Variants in RRM2 observed in about 807,000 individuals in gnomAD.
The protein encoded by RRM2 is ribonucleotide reductase regulatory subunit M2.
Under a neutral mutation model 45.9 loss-of-function variants are expected in RRM2, and 6 were observed. The ratio of observed to expected loss-of-function variants is 0.13; its 90% CI spans 0.07 to 0.26. The LOEUF (loss-of-function observed/expected upper bound fraction) is 0.26. Ranked by LOEUF, RRM2 falls within the 10% of genes least tolerant of loss-of-function variation. RRM2 has a pLI of 1.00. For synonymous variants in RRM2, 177 were observed against 173.0 expected, an observed-to-expected ratio of 1.02 and a Z score of -0.18; for missense variants, 343 against 489.5, an observed-to-expected ratio of 0.70 and a Z score of 2.82.
At chr2:10,206,061 A>G (rs1202415403) in intron 3 of RRM2, among the ~76,000 whole-genome samples, 2 of 152,034 alleles carry the variant, frequency 1.3e-5, no homozygotes, top group Non-Finnish European at 2.9e-5. Flanking sequence ...CCTGGCTAAC[A>G]TGGTGAAACC....
chr2:10,159,810 C>T (rs1342464882), intron 3 of RRM2, among the ~76,000 whole-genome samples: 1 of 152,192 alleles, frequency 6.6e-6, no homozygotes, highest in African/African-American at 2.4e-5. Flanking sequence ...TTCAGAAACG[C>T]TGGCTTGAAG....
At chr2:10,160,621 G>A (rs2125318502) in intron 3 of RRM2, among the ~76,000 whole-genome samples, 1 of 151,868 alleles carries the variant, frequency 6.6e-6, no homozygotes, top group South Asian at 2.1e-4. Flanking sequence ...TAGAGGTTTG[G>A]GTCCCCTCTC....
intron 3 of RRM2, among the ~76,000 whole-genome samples, chr2:10,142,747 A>G (rs917079898): frequency 6.6e-6 from 1 of 152,032 alleles, no homozygotes; most frequent in Admixed American, 6.5e-5. Flanking sequence ...AGCACCTCAG[A>G]CGATGTGGCT....
At chr2:10,187,977 T>C (rs1664203928) in intron 3 of RRM2, among the ~76,000 whole-genome samples, 2 of 152,198 alleles carry the variant, frequency 1.3e-5, no homozygotes, top group Non-Finnish European at 2.9e-5. Context: ...CTAGACTGAC[T>C]GAATCAGAAA....
upstream of RRM2, among the ~76,000 whole-genome samples, chr2:10,139,448 A>C (rs1332116123): frequency 1.3e-5 from 2 of 152,190 alleles, no homozygotes; most frequent in East Asian, 3.8e-4. Flanking sequence ...ACTTGGCATT[A>C]AAAAGAGACT....
At chr2:10,198,516 C>T (rs1039140360) in intron 3 of RRM2, 1 of 152,108 alleles carries the variant, frequency 6.6e-6, no homozygotes, top group Admixed American at 6.5e-5. Context: ...AATCCTCCAG[C>T]TTCAGCTTTC....
chr2:10,203,442 G>A (rs1236025359), intron 3 of RRM2, among the ~76,000 whole-genome samples: 1 of 152,110 alleles, frequency 6.6e-6, no homozygotes, highest in Non-Finnish European at 1.5e-5. Context: ...TTCTTGGGGG[G>A]TAAATGAATT....
chr2:10,151,085 T>C (rs1382306245), intron 3 of RRM2, among the ~76,000 whole-genome samples: 1 of 152,182 alleles, frequency 6.6e-6, no homozygotes, highest in East Asian at 1.9e-4. Flanking sequence ...ATTGCTGGAA[T>C]TACAGGCATG....
intron 3 of RRM2, 73 bp downstream of exon 3, chr2:10,123,603 C>T (rs13384284): frequency 6.4e-7 from 1 of 1,555,746 alleles, no homozygotes; most frequent in Non-Finnish European, 8.7e-7. Flanking sequence ...CTTGGAGGTT[C>T]CCGTTGGCAA....
At chr2:10,145,229 C>T (rs1282089431) in intron 3 of RRM2, among the ~76,000 whole-genome samples, 1 of 152,050 alleles carries the variant, frequency 6.6e-6, no homozygotes, top group Non-Finnish European at 1.5e-5. Context: ...GGGGCCAGGT[C>T]TGGAGGGGTT....
intron 3 of RRM2, among the ~76,000 whole-genome samples, chr2:10,154,259 A>G (rs1219741115): frequency 1.3e-5 from 2 of 152,172 alleles, no homozygotes; most frequent in African/African-American, 4.8e-5. Flanking sequence ...AGATCGCTTG[A>G]GGTCAGGGGT....
In RRM2 at chr2:10,130,621, T is replaced by TG; in HGVS notation, c.*1236dup. On this transcript the variant is annotated 3_prime_UTR_variant, in exon 10 of 10. Transcript: ENST00000304567. ...TTCCATTCAAATATTAATTTCAGAA[T>TG]GAAACATAATTTTTTTTTTTTTTTT... 6.7e-6 allele frequency: 1 copy of TG among 149,426 alleles called. No individual in the cohort carries two copies. Among genetic ancestry groups the TG allele is most frequent in the Non-Finnish European group, 1.5e-5 (1 of 67,742 alleles). 9.3% of individuals were successfully genotyped at this position (149,426 alleles called of 1,614,324 possible). A position where few individuals can be genotyped will look rare whatever the true frequency, so the allele number is the denominator to read the frequency against.
intron 3 of RRM2, among the ~76,000 whole-genome samples, chr2:10,189,010 C>T (rs1664227328): frequency 1.3e-5 from 2 of 152,210 alleles, no homozygotes; most frequent in African/African-American, 2.4e-5. Flanking sequence ...GCCTCCCACA[C>T]ATCAATCACT....
chr2:10,209,334 C>G (rs777936787), intron 3 of RRM2, among the ~76,000 whole-genome samples: 12 of 151,854 alleles, frequency 7.9e-5, no homozygotes, highest in Non-Finnish European at 1.0e-4. Context: ...CTGGGATTAC[C>G]CCTGTGAGCC....
At position 10,195,172 on chromosome 2, in the gene RRM2, G is replaced by C. The variant is rs927005641; in HGVS notation, n.483-15139G>C. Among the ~76,000 whole-genome samples the C allele has an allele frequency of 6.6e-6, 1 of 152,122 alleles. No individual in the cohort carries two copies. Among genetic ancestry groups the C allele is most frequent in the Admixed American group, 6.5e-5 (1 of 15,274 alleles). ...CCTGGGGAGCTACCGAGGGCAACAG[G>C]CATGTTCTGGAAGACCCACCGTCTG... On this transcript the variant is annotated intron_variant and non_coding_transcript_variant, in intron 3 of 3. Coordinates refer to the RRM2 transcript ENST00000381786. The surrounding 1 kb of genome is among the most constrained non-coding windows in gnomAD (Gnocchi z 4.9).
chr2:10,185,363 C>A lies in RRM2; in HGVS notation n.483-24948C>A, dbSNP rs1664142869. Among the ~76,000 whole-genome samples, 1 of 152,120 alleles carries A rather than the reference C, an allele frequency of 6.6e-6. No homozygotes were observed. The highest frequency in any genetic ancestry group is 2.4e-5 in the African/African-American group (1 of 41,424). Reference sequence around the variant, plus strand: ...TCATTAATATATTCAAAACTATATTCAAAAACTATTCATTTAAAAATTCTG... The same window carrying A: ...TCATTAATATATTCAAAACTATATTAAAAAACTATTCATTTAAAAATTCTG... On this transcript the variant is annotated intron_variant and non_coding_transcript_variant, in intron 3 of 3. Transcript: ENST00000381786. This position sits in a 1 kb window ranked among gnomAD's most constrained non-coding sequence, Gnocchi z 4.3.
At chr2:10,163,189 CAG>C (rs1663604910) in intron 3 of RRM2, among the ~76,000 whole-genome samples, 1 of 152,222 alleles carries the variant, frequency 6.6e-6, no homozygotes. Context: ...GAAGGCTATT[CAG>C]AGAGACTGCT....
At chr2:10,210,320 A>G (rs2125336692) in exon 4 of RRM2, 2 of 1,367,222 alleles carry the variant, frequency 1.5e-6, no homozygotes, top group Middle Eastern at 4.2e-4. Context: ...GTCTTCCAGG[A>G]TCTCAACCAG....
exon 1 of RRM2, chr2:10,141,627 A>G: frequency 1.7e-6 from 1 of 587,462 alleles, no homozygotes; most frequent in Non-Finnish European, 3.0e-6. Flanking sequence ...GGATTCCAAG[A>G]TCACACGGAG....
Sources: allele counts gnomAD v4.1 joint callset (sites outside exome capture counted in the v4.1 genomes callset), GRCh38; gene constraint gnomAD v4.1.1; non-coding constraint Gnocchi (gnomAD v3.1); transcripts MANE v1.5; gene names NCBI Gene and HGNC (gene_info 2026-07-23, HGNC 2026-07-21).